TSPAN9: variants seen among roughly 807,000 people sequenced by gnomAD.
The protein encoded by TSPAN9 is tetraspanin-9.
Under a neutral mutation model 31.0 loss-of-function variants are expected in TSPAN9, and 16 were observed. The observed-to-expected ratio is 0.52, with a 90% CI of 0.35 to 0.78. The LOEUF is 0.78. Among genes scored for constraint, TSPAN9 ranks in the 30% least tolerant of loss-of-function variants. The pLI is 0.01. For missense variants in TSPAN9, 272 were observed against 312.5 expected (o/e 0.87, Z 0.98); for synonymous variants, 145 against 121.6 (o/e 1.19, Z -1.27).
chr12:3,247,700 G>A (rs1390236169), intron 3 of TSPAN9, among the ~76,000 whole-genome samples: 1 of 152,110 alleles, frequency 6.6e-6, no homozygotes, highest in Non-Finnish European at 1.5e-5. Flanking sequence ...TTCAAATCTC[G>A]GTCAGCCTCC....
intron 3 of TSPAN9, among the ~76,000 whole-genome samples, chr12:3,226,781 TATA>T (rs2098387946): frequency 3.0e-4 from 4 of 13,526 alleles, no homozygotes; most frequent in African/African-American, 6.9e-4. Flanking sequence ...TATATATATA[TATA>T]TATATATATA....
chr12:3,276,001 A>G (rs1234286412), intron 3 of TSPAN9, among the ~76,000 whole-genome samples: 1 of 152,028 alleles, frequency 6.6e-6, no homozygotes, highest in Non-Finnish European at 1.5e-5. Context: ...AAATTGGACC[A>G]TTTCTCACCG....
chr12:3,237,648 G>A (rs879450967), intron 3 of TSPAN9, among the ~76,000 whole-genome samples: 10 of 152,216 alleles, frequency 6.6e-5, no homozygotes, highest in Non-Finnish European at 1.2e-4. Flanking sequence ...GGCTGGAATC[G>A]AAAACCTGAT....
intron 3 of TSPAN9, among the ~76,000 whole-genome samples, chr12:3,219,365 A>G (rs561945805): frequency 6.6e-6 from 1 of 152,300 alleles, no homozygotes; most frequent in African/African-American, 2.4e-5. Context: ...GTTTGTCACC[A>G]TCATTATCCT....
At chr12:3,128,837 T>G (rs1251366987) in intron 2 of TSPAN9, among the ~76,000 whole-genome samples, 1 of 152,222 alleles carries the variant, frequency 6.6e-6, no homozygotes, top group African/African-American at 2.4e-5. Flanking sequence ...ACATATACAT[T>G]ATTGTGCAAT....
At chr12:3,209,583 T>TTC (rs2098377253) in intron 3 of TSPAN9, among the ~76,000 whole-genome samples, 1 of 152,158 alleles carries the variant, frequency 6.6e-6, no homozygotes, top group African/African-American at 2.4e-5. Flanking sequence ...CACACGTGAC[T>TTC]CGCCTGACGA....
intron 2 of TSPAN9, among the ~76,000 whole-genome samples, chr12:3,181,608 T>C (rs1379919564): frequency 6.6e-6 from 1 of 152,034 alleles, no homozygotes; most frequent in Non-Finnish European, 1.5e-5. Flanking sequence ...AATGAGCTCA[T>C]TTCATCCTAG....
chr12:3,099,701 A>T (rs2098310883), intron 2 of TSPAN9, among the ~76,000 whole-genome samples: 1 of 152,182 alleles, frequency 6.6e-6, no homozygotes, highest in Non-Finnish European at 1.5e-5. Context: ...TCAGTTTCAT[A>T]CATTTGAGGT....
At chr12:3,096,729 G>A (rs761989713) in intron 2 of TSPAN9, among the ~76,000 whole-genome samples, 3 of 150,768 alleles carry the variant, frequency 2.0e-5, no homozygotes, top group Non-Finnish European at 2.9e-5. Flanking sequence ...ACGGAATCTC[G>A]CTCTGTCGCC....
intron 2 of TSPAN9, among the ~76,000 whole-genome samples, chr12:3,198,789 C>G (rs1242254555): frequency 1.9e-5 from 2 of 102,906 alleles, no homozygotes; most frequent in African/African-American, 6.7e-5. Context: ...CAGCACAGGC[C>G]ACCACCAGCA....
intron 2 of TSPAN9, among the ~76,000 whole-genome samples, chr12:3,164,651 G>A (rs1254819758): frequency 6.6e-6 from 1 of 152,190 alleles, no homozygotes; most frequent in African/African-American, 2.4e-5. Context: ...GTCGTGGTAG[G>A]TTGGCAAGTG....
chr12:3,239,567 C>G (rs2098395516), intron 3 of TSPAN9, among the ~76,000 whole-genome samples: 1 of 152,194 alleles, frequency 6.6e-6, no homozygotes, highest in Non-Finnish European at 1.5e-5. Context: ...CAAACGAGGT[C>G]AGAGAGAGAG....
At chr12:3,182,701 G>A (rs570118830) in intron 2 of TSPAN9, among the ~76,000 whole-genome samples, 1 of 152,176 alleles carries the variant, frequency 6.6e-6, no homozygotes, top group African/African-American at 2.4e-5. Context: ...CCATGTGATT[G>A]AGAGGCAGTG....
Position 3,280,505 on chromosome 12 carries a change from T to C in TSPAN9, c.432+22T>C, listed in dbSNP as rs778866918. 1 of 1,604,876 alleles carries C rather than the reference T, an allele frequency of 6.2e-7. No homozygotes were observed. The highest frequency in any genetic ancestry group is 8.5e-7 in the Non-Finnish European group (1 of 1,177,054). The stretch of plus-strand genomic sequence containing the variant: ...TGAGGTGCGGGCTGGGCCGCCCTGG[T>C]GGGGCCAGGCAGGGAGGAGGGGTGG... On this transcript the variant is annotated intron_variant, in intron 6 of 8. Coordinates refer to ENST00000011898, the MANE Select transcript of TSPAN9 (RefSeq NM_006675.5). This position sits in a 1 kb window ranked among gnomAD's most constrained non-coding sequence, Gnocchi z 4.5.
At chr12:3,282,124 T>C (rs1862907093) in intron 8 of TSPAN9, 1 of 627,062 alleles carries the variant, frequency 1.6e-6, no homozygotes, top group African/African-American at 1.8e-5. Context: ...CAGAGAGCCA[T>C]GCAAGACACA....
At chr12:3,142,927 C>T (rs1444576711) in intron 2 of TSPAN9, among the ~76,000 whole-genome samples, 1 of 152,202 alleles carries the variant, frequency 6.6e-6, no homozygotes, top group Non-Finnish European at 1.5e-5. Flanking sequence ...TCTCCTTAGG[C>T]TCCTCCGTCC....
At chr12:3,090,802 TAATGAGGAATAGACCC>T (rs1479962272) in intron 2 of TSPAN9, among the ~76,000 whole-genome samples, 7 of 151,854 alleles carry the variant, frequency 4.6e-5, no homozygotes, top group Admixed American at 2.0e-4. Flanking sequence ...ACCGCAGAGA[TAATGAGGAATAGACCC>T]CACCGATCTT....
At chr12:3,078,994 T>A (rs899962760) in intron 1 of TSPAN9, among the ~76,000 whole-genome samples, 3 of 151,942 alleles carry the variant, frequency 2.0e-5, no homozygotes, top group Non-Finnish European at 4.4e-5. Context: ...TTTTTTTTTT[T>A]TTTGAGACAG....
At chr12:3,281,514 G>A (rs1479670808) in intron 7 of TSPAN9, among the ~76,000 whole-genome samples, 185 bp downstream of exon 7, 1 of 152,224 alleles carries the variant, frequency 6.6e-6, no homozygotes, top group Non-Finnish European at 1.5e-5. Flanking sequence ...CCCACAGTTG[G>A]GAGAGTCAGA....
Sources: gnomAD v4.1 joint callset for allele counts (sites outside exome capture counted in the v4.1 genomes callset) on GRCh38, gnomAD v4.1.1 for gene constraint, Gnocchi (gnomAD v3.1) non-coding constraint, MANE v1.5 for transcripts, NCBI Gene and HGNC (gene_info 2026-07-23, HGNC 2026-07-21) for gene names.